The following EMID1 variants were observed in gnomAD, a reference collection of about 807,000 sequenced individuals.
The protein encoded by EMID1 is EMI domain containing 1.
EMID1 carries 40 observed loss-of-function variants against 60.6 expected under a neutral mutation model. The observed-to-expected ratio is 0.66, with a 90% CI of 0.51 to 0.86. EMID1 has a LOEUF of 0.86. Among genes scored for constraint, EMID1 ranks in the 40% least tolerant of loss-of-function variants. The pLI is 0.00. For synonymous variants in EMID1, 242 were observed against 231.0 expected, an observed-to-expected ratio of 1.05 and a Z score of -0.43; for missense variants, 585 against 597.1, an observed-to-expected ratio of 0.98 and a Z score of 0.21.
chr22:29,222,206 G>A (rs1309957013), intron 3 of EMID1, among the ~76,000 whole-genome samples: 2 of 151,974 alleles, frequency 1.3e-5, no homozygotes, highest in African/African-American at 2.4e-5. Context: ...CTATCCTCCC[G>A]TATCAGTCTC....
chr22:29,240,719 C>T (rs1294943752), intron 12 of EMID1, among the ~76,000 whole-genome samples: 2 of 152,244 alleles, frequency 1.3e-5, no homozygotes, highest in African/African-American at 4.8e-5. Context: ...CTCTCAACCC[C>T]CACATCCTTG....
chr22:29,224,595 T>C (rs1429085080), intron 3 of EMID1, among the ~76,000 whole-genome samples: 1 of 152,226 alleles, frequency 6.6e-6, no homozygotes, highest in African/African-American at 2.4e-5. Context: ...AGTCTCCTCT[T>C]ACCAAGCCAG....
intron 12 of EMID1, among the ~76,000 whole-genome samples, chr22:29,238,655 G>T (rs1232314336): frequency 7.0e-6 from 1 of 143,290 alleles, no homozygotes; most frequent in Admixed American, 6.8e-5. Context: ...CTGACCTCAG[G>T]TGATCCGCCC....
At chr22:29,220,356 C>T (rs2040246793) in intron 3 of EMID1, among the ~76,000 whole-genome samples, 1 of 152,216 alleles carries the variant, frequency 6.6e-6, no homozygotes, top group South Asian at 2.1e-4. Context: ...GGAGGCCAGG[C>T]CGGACATAGA....
At position 29,224,148 on chromosome 22, in the gene EMID1, G is replaced by A. The variant is rs925659766; in HGVS notation, c.320-985G>A. On this transcript the variant is annotated intron_variant, in intron 3 of 14. Coordinates refer to ENST00000334018, the MANE Select transcript of EMID1 (RefSeq NM_133455.4). ...GGCCCCACAATGGGACCCAGAGCAG[G>A]GCCTGGCAGCCTCCGCTGGGGGCTG... Among the ~76,000 whole-genome samples, 8 of 152,228 alleles carry A rather than the reference G, an allele frequency of 5.3e-5. No individual in the cohort carries two copies. The South Asian group carries it at 1.7e-3, about 31-fold the overall frequency.
At chr22:29,216,333 C>G (rs1033683190) in intron 3 of EMID1, 47 of 985,356 alleles carry the variant, frequency 4.8e-5, no homozygotes, top group African/African-American at 7.0e-5. Flanking sequence ...GCACCTGCCC[C>G]TCTGCTGAGC....
At chr22:29,255,607 G>A in intron 14 of EMID1, 1 of 369,354 alleles carries the variant, frequency 2.7e-6, no homozygotes, top group Non-Finnish European at 4.9e-6. Context: ...ACACAGTCCT[G>A]CCCTTGAGGA....
At chr22:29,239,788 C>T (rs2041089348) in intron 12 of EMID1, among the ~76,000 whole-genome samples, 2 of 147,802 alleles carry the variant, frequency 1.4e-5, no homozygotes, top group South Asian at 2.1e-4. Flanking sequence ...GACAGAGTCT[C>T]ACTCTGTCTC....
At position 29,232,268 on chromosome 22, in the gene EMID1, C is replaced by T. The variant is rs746207260; in HGVS notation, c.689C>T (p.Pro230Leu). The change falls in exon 8 of 15, where the codon CCC (proline) becomes CTC (leucine). Residue 230 changes from proline (P) to leucine (L), a missense_variant. Coordinates refer to ENST00000334018, the MANE Select transcript of EMID1 (RefSeq NM_133455.4). ...GMRGPPGPQG[P>L]PGSPGRAGAV... The stretch of plus-strand genomic sequence containing the variant: ...GATTCCATTGCAGGTCCACAGGGCC[C>T]CCCAGGGAGCCCTGGCCGGGCTGGA... The T allele has an allele frequency of 1.9e-6, 3 of 1,611,666 alleles. 1 individual carries two copies. The highest frequency in any genetic ancestry group is 2.2e-5 in the East Asian group (1 of 44,860).
At chr22:29,224,320 G>A (rs911097627) in intron 3 of EMID1, among the ~76,000 whole-genome samples, 27 of 152,348 alleles carry the variant, frequency 1.8e-4, no homozygotes, top group African/African-American at 6.5e-4. Flanking sequence ...GGAAGGCCTG[G>A]GGGGCTGAGG....
intron 3 of EMID1, among the ~76,000 whole-genome samples, chr22:29,221,677 A>T (rs567851555): frequency 6.6e-6 from 1 of 152,130 alleles, no homozygotes; most frequent in Admixed American, 6.5e-5. Context: ...CCCGGCCAGG[A>T]TATGACATTT....
intron 12 of EMID1, among the ~76,000 whole-genome samples, chr22:29,242,341 G>A (rs749535931): frequency 5.3e-5 from 8 of 151,902 alleles, no homozygotes; most frequent in South Asian, 2.1e-4. Context: ...TGGTATTATC[G>A]TTTTCACTTC....
At chr22:29,234,002 G>T in intron 10 of EMID1, 135 bp from the exon 11 acceptor site, 1 of 912,758 alleles carries the variant, frequency 1.1e-6, no homozygotes, top group South Asian at 1.7e-5. Flanking sequence ...AACTGACTGC[G>T]GTGTGCTGGG....
chr22:29,234,101 C>G (rs1454712585), intron 10 of EMID1, 36 bp from the exon 11 acceptor site: 10 of 1,557,960 alleles, frequency 6.4e-6, no homozygotes, highest in Non-Finnish European at 7.8e-6. Context: ...TCCATCCTGC[C>G]CCAACACAAG....
rs1236866118 is a variant in EMID1, at chr22:29,214,630, G to A, written c.102-296G>A. Among the ~76,000 whole-genome samples, 4 of 152,236 alleles carry A rather than the reference G, an allele frequency of 2.6e-5. No individual in the cohort carries two copies. The South Asian group carries it at 8.3e-4, about 32-fold the overall frequency. On this transcript the variant is annotated intron_variant, in intron 1 of 14. Transcript: ENST00000334018. ...AAAGTTGGAGAGGAGAGAAGTTGGG[G>A]AGCGAGAGCTCAGGGGAAGATGGCC...
chr22:29,247,627 G>A lies in EMID1; in HGVS notation c.1119+4138G>A, dbSNP rs536686668. On this transcript the variant is annotated intron_variant, in intron 13 of 14. Transcript: ENST00000334018. ...AAAAATACACCATAAAAGATTTTTG[G>A]AGCTTTTTTGTTTGTTTGTTTAGGA... 1.2e-4 allele frequency among the ~76,000 whole-genome samples: 18 copies of A among 152,234 alleles called. No homozygotes were observed. In the South Asian group the frequency reaches 2.3e-3, roughly 19 times the overall value.
intron 3 of EMID1, among the ~76,000 whole-genome samples, chr22:29,220,452 C>T (rs1255935256): frequency 6.6e-6 from 1 of 152,156 alleles, no homozygotes; most frequent in Non-Finnish European, 1.5e-5. Context: ...TGGCTCTGGT[C>T]ACTGGAAGCA....
chr22:29,233,333 C>A (rs2146307093), intron 8 of EMID1, 46 bp from the exon 9 acceptor site: 1 of 1,604,978 alleles, frequency 6.2e-7, no homozygotes, highest in Non-Finnish European at 8.5e-7. Context: ...AGACTAACCA[C>A]CCCACTCTAC....
At chr22:29,251,072 C>G (rs1390938338) in intron 13 of EMID1, among the ~76,000 whole-genome samples, 4 of 151,434 alleles carry the variant, frequency 2.6e-5, no homozygotes, top group African/African-American at 9.7e-5. Flanking sequence ...TACACACCAC[C>G]ACGCCTGGCT....
Sources: allele counts gnomAD v4.1 joint callset (sites outside exome capture counted in the v4.1 genomes callset), GRCh38; gene constraint gnomAD v4.1.1; transcripts MANE v1.5; gene names NCBI Gene and HGNC (gene_info 2026-07-23, HGNC 2026-07-21).